Variants in RIMBP2 observed in about 807,000 individuals in gnomAD.
RIMBP2 encodes the protein RIMS-binding protein 2.
RIMBP2 carries 48 observed loss-of-function variants against 118.6 expected under a neutral mutation model. The ratio of observed to expected loss-of-function variants is 0.40; its 90% CI spans 0.32 to 0.51. The LOEUF (loss-of-function observed/expected upper bound fraction) is 0.51. Ranked by LOEUF, RIMBP2 falls within the 20% of genes least tolerant of loss-of-function variation. The pLI is 0.41. For synonymous variants in RIMBP2, 762 were observed against 742.9 expected (o/e 1.03, Z -0.42); for missense variants, 1,551 against 1,768.3 (o/e 0.88, Z 2.20).
intron 22 of RIMBP2, chr12:130,399,181 C>T (rs1320504148): frequency 1.5e-6 from 2 of 1,334,624 alleles, no homozygotes; most frequent in Non-Finnish European, 1.9e-6. Flanking sequence ...AGCAGATGAG[C>T]AAAGAAATAA....
intron 1 of RIMBP2, among the ~76,000 whole-genome samples, chr12:130,676,050 A>T (rs1230475539): frequency 2.0e-5 from 3 of 151,976 alleles, no homozygotes; most frequent in Admixed American, 2.0e-4. Flanking sequence ...AGCCTTGAAG[A>T]CTCCATCTGT....
chr12:130,611,787 G>A (rs990956396), intron 2 of RIMBP2, among the ~76,000 whole-genome samples: 2 of 152,114 alleles, frequency 1.3e-5, no homozygotes, highest in African/African-American at 4.8e-5. Flanking sequence ...AGCAGGACAC[G>A]GAACCCATGT....
intron 1 of RIMBP2, among the ~76,000 whole-genome samples, chr12:130,638,676 C>T (rs1414498162): frequency 6.6e-6 from 1 of 152,042 alleles, no homozygotes; most frequent in African/African-American, 2.4e-5. Context: ...CATCTGTTGT[C>T]TTCTATGAAA....
chr12:130,554,886 T>C (rs550227357), intron 2 of RIMBP2, among the ~76,000 whole-genome samples: 1 of 152,142 alleles, frequency 6.6e-6, no homozygotes, highest in Non-Finnish European at 1.5e-5. Flanking sequence ...GCCATCATTA[T>C]TTCCATTTTA....
chr12:130,474,461 A>T (rs1044418071), intron 5 of RIMBP2, among the ~76,000 whole-genome samples: 1 of 152,296 alleles, frequency 6.6e-6, no homozygotes, highest in East Asian at 1.9e-4. Context: ...GCGATGTCCT[A>T]CGAGTCCGAC....
At position 130,621,948 on chromosome 12, in the gene RIMBP2, A is replaced by T. The variant is rs145834798; in HGVS notation, c.-217+6374T>A. Among the ~76,000 whole-genome samples, 1 of 152,332 alleles carries T rather than the reference A, an allele frequency of 6.6e-6. No individual in the cohort carries two copies. The highest frequency in any genetic ancestry group is 1.9e-4 in the East Asian group (1 of 5,188). On this transcript the variant is annotated intron_variant, in intron 2 of 22. Coordinates refer to ENST00000690449, the MANE Select transcript of RIMBP2 (RefSeq NM_001393629.1). The surrounding 1 kb of genome is among the most constrained non-coding windows in gnomAD (Gnocchi z 6.6). ...TCGTTTGACTGTAACTGGCACTGAGACTTCAGTATCAACAGAGCCCATTCC... is the reference window on the plus strand; with the variant it reads ...TCGTTTGACTGTAACTGGCACTGAGTCTTCAGTATCAACAGAGCCCATTCC...
Position 130,437,245 on chromosome 12 carries a change from A to G in RIMBP2, c.1703T>C (p.Leu568Pro). The change falls in exon 13 of 23, where the codon CTT (leucine) becomes CCT (proline). Residue 568 changes from leucine (L) to proline (P), a missense_variant. By Grantham distance (98) the Leu-to-Pro change is moderately conservative (BLOSUM62 -3). Around this residue, in one of 5 missense-constraint regions of RIMBP2, gnomAD observed 1,038 missense variants for 1,125.1 expected, o/e 0.92. Coordinates refer to ENST00000690449, the MANE Select transcript of RIMBP2 (RefSeq NM_001393629.1). ...FPTADSTAVE[L>P]VRLRSLEAKG... Reference sequence around the variant, plus strand: ...GGCCTCCAGGCTCCGCAGCCGCACAAGCTCCACGGCCGTGCTGTCTGCCGT... The same window carrying G: ...GGCCTCCAGGCTCCGCAGCCGCACAGGCTCCACGGCCGTGCTGTCTGCCGT... 6.3e-7 allele frequency: 1 copy of G among 1,586,778 alleles called. No homozygotes were observed. Among genetic ancestry groups the G allele is most frequent in the Non-Finnish European group, 8.5e-7 (1 of 1,172,828 alleles).
chr12:130,664,453 A>T (rs74479025), intron 1 of RIMBP2, among the ~76,000 whole-genome samples: 1 of 65,610 alleles, frequency 1.5e-5, no homozygotes, highest in Non-Finnish European at 4.5e-5. Flanking sequence ...ACACGCACAC[A>T]CATGCACGCA....
chr12:130,646,346 A>ACCACTTGCCTCTCCACCTGCCTCT lies in RIMBP2; in HGVS notation c.-351-17891_-351-17890insAGAGGCAGGTGGAGAGGCAAGTGG, dbSNP rs1566423192. On this transcript the variant is annotated intron_variant, in intron 1 of 22. Coordinates refer to ENST00000690449, the MANE Select transcript of RIMBP2 (RefSeq NM_001393629.1). ...CTCCACCTGCCTCACCACCTCCCTCACCACCTCCCTCACCACCTCCCTCAC... is the reference window on the plus strand; with the variant it reads ...CTCCACCTGCCTCACCACCTCCCTCACCACTTGCCTCTCCACCTGCCTCTCCACCTCCCTCACCACCTCCCTCAC... Among the ~76,000 whole-genome samples the ACCACTTGCCTCTCCACCTGCCTCT allele has an allele frequency of 2.4e-4, 12 of 50,288 alleles. 4 individuals carry two copies. The highest frequency in any genetic ancestry group is 2.9e-4 in the Non-Finnish European group (8 of 27,818). 33.0% of individuals were successfully genotyped at this position (50,288 alleles called of 152,430 possible). A position where few individuals can be genotyped will look rare whatever the true frequency, so the allele number is the denominator to read the frequency against.
At chr12:130,673,171 C>T (rs1047720290) in intron 1 of RIMBP2, among the ~76,000 whole-genome samples, 4 of 152,206 alleles carry the variant, frequency 2.6e-5, no homozygotes, top group African/African-American at 4.8e-5. Context: ...CATCGCTCCC[C>T]GTTTAGGTTC....
intron 1 of RIMBP2, among the ~76,000 whole-genome samples, chr12:130,634,988 A>C (rs949577896): frequency 2.6e-5 from 4 of 152,038 alleles, no homozygotes; most frequent in Non-Finnish European, 1.5e-5. Context: ...AGAGCACACA[A>C]AAAAAAGGGA....
chr12:130,436,869 G>A lies in RIMBP2; in HGVS notation c.2079C>T (p.Ala693=), dbSNP rs771110538. The A allele has an allele frequency of 1.4e-5, 21 of 1,527,178 alleles. No individual in the cohort carries two copies. The highest frequency in any genetic ancestry group is 1.2e-4 in the South Asian group (9 of 78,012). 94.6% of individuals were successfully genotyped at this position (1,527,178 alleles called of 1,614,324 possible). Residue 693 remains alanine (A), a synonymous_variant, in exon 13 of 23, where the codon GCC becomes GCT. Coordinates refer to ENST00000690449, the MANE Select transcript of RIMBP2 (RefSeq NM_001393629.1). ...TTVAKAMARE[A]AQRVAESSRL... Reference sequence around the variant, plus strand: ...TGCTGCTCTCGGCCACCCTCTGCGCGGCCTCCCGGGCCATGGCCTTGGCGA... The same window carrying A: ...TGCTGCTCTCGGCCACCCTCTGCGCAGCCTCCCGGGCCATGGCCTTGGCGA...
intron 1 of RIMBP2, among the ~76,000 whole-genome samples, chr12:130,657,192 G>A (rs2063467547): frequency 6.6e-6 from 1 of 152,194 alleles, no homozygotes; most frequent in African/African-American, 2.4e-5. Flanking sequence ...CACCACACGT[G>A]GCCAAATTTC....
intron 22 of RIMBP2, chr12:130,398,498 G>A (rs1026441269): frequency 2.0e-5 from 3 of 152,650 alleles, no homozygotes; most frequent in Non-Finnish European, 4.4e-5. Context: ...TTTGAGCTGC[G>A]TGCTTCATCA....
At chr12:130,712,842 A>G (rs1950017154) in intron 1 of RIMBP2, among the ~76,000 whole-genome samples, 1 of 152,164 alleles carries the variant, frequency 6.6e-6, no homozygotes, top group African/African-American at 2.4e-5. Context: ...CAGCTACGAC[A>G]GCCACACTGG....
At chr12:130,692,841 T>G (rs1593017686) in intron 1 of RIMBP2, among the ~76,000 whole-genome samples, 3 of 80,888 alleles carry the variant, frequency 3.7e-5, no homozygotes, top group African/African-American at 9.6e-5. Context: ...TGGGATGGGA[T>G]GGGATGGGAT....
At chr12:130,660,880 C>G (rs911969470) in intron 1 of RIMBP2, among the ~76,000 whole-genome samples, 5 of 152,198 alleles carry the variant, frequency 3.3e-5, no homozygotes, top group African/African-American at 1.2e-4. Flanking sequence ...GACTTGTATT[C>G]AGACACACCA....
chr12:130,630,390 G>A (rs990768953), intron 1 of RIMBP2, among the ~76,000 whole-genome samples: 2 of 151,530 alleles, frequency 1.3e-5, no homozygotes, highest in African/African-American at 4.8e-5. Context: ...TTCTCATCTG[G>A]GCCACCAAAT....
intron 2 of RIMBP2, among the ~76,000 whole-genome samples, chr12:130,552,215 T>C (rs2055867401): frequency 6.6e-6 from 1 of 152,188 alleles, no homozygotes; most frequent in African/African-American, 2.4e-5. Flanking sequence ...TCACATTCTG[T>C]GGAATAATTT....
Sources: allele counts gnomAD v4.1 joint callset (sites outside exome capture counted in the v4.1 genomes callset), GRCh38; gene constraint gnomAD v4.1.1; regional missense constraint gnomAD v4.1.1; non-coding constraint Gnocchi (gnomAD v3.1); transcripts MANE v1.5; gene names NCBI Gene and HGNC (gene_info 2026-07-23, HGNC 2026-07-21).